Variants in ZNF705B observed in about 807,000 individuals in gnomAD.
ZNF705B encodes zinc finger protein 705B.
ZNF705B carries 1 observed loss-of-function variant against 10.5 expected under a neutral mutation model. The observed-to-expected ratio is 0.10, with a 90% CI of 0.03 to 0.45. The LOEUF (loss-of-function observed/expected upper bound fraction) is 0.45. Among genes scored for constraint, ZNF705B ranks in the 20% least tolerant of loss-of-function variants. ZNF705B has a pLI of 0.97. For synonymous variants in ZNF705B, 4 were observed against 25.4 expected (o/e 0.16, Z 2.53); for missense variants, 14 against 84.0 (o/e 0.17, Z 3.26).
chr8:7,931,607 G>T (rs1819851600), intron 2 of ZNF705B, among the ~76,000 whole-genome samples: 1 of 122,186 alleles, frequency 8.2e-6, no homozygotes, highest in African/African-American at 2.5e-5. Context: ...ACAGCAATGG[G>T]TGGGATGGGC....
At chr8:7,927,600 T>C (rs1819731156) in intron 1 of ZNF705B, among the ~76,000 whole-genome samples, 1 of 118,504 alleles carries the variant, frequency 8.4e-6, no homozygotes, top group African/African-American at 2.5e-5. Flanking sequence ...TTTTTTTTTT[T>C]TCCTGAGACA....
intron 2 of ZNF705B, among the ~76,000 whole-genome samples, chr8:7,941,188 C>T (rs1454800405): frequency 1.4e-5 from 2 of 145,252 alleles, no homozygotes; most frequent in African/African-American, 5.0e-5. Context: ...GATTTATATT[C>T]CTTTGGGTAT....
chr8:7,931,054 T>C (rs376838057), intron 2 of ZNF705B, among the ~76,000 whole-genome samples: 1 of 119,550 alleles, frequency 8.4e-6, no homozygotes. Context: ...AGTTTCTCCA[T>C]GTTGGTCAGG....
chr8:7,930,846 G>GTTTTT (rs5889212), intron 2 of ZNF705B, among the ~76,000 whole-genome samples: 2 of 72,798 alleles, frequency 2.7e-5, no homozygotes, highest in Non-Finnish European at 7.7e-5. Context: ...TATTTTTTTT[G>GTTTTT]TTTTTTTTTT....
At chr8:7,944,967 C>T (rs1263153066) in intron 2 of ZNF705B, among the ~76,000 whole-genome samples, 1 of 35,280 alleles carries the variant, frequency 2.8e-5, no homozygotes, top group African/African-American at 5.1e-5. Context: ...TGAAACTCTA[C>T]CAAAAAAAAA....
chr8:7,931,506 G>T (rs1392191063), intron 2 of ZNF705B, among the ~76,000 whole-genome samples: 2 of 122,178 alleles, frequency 1.6e-5, no homozygotes, highest in African/African-American at 2.5e-5. Flanking sequence ...TCATACTCAG[G>T]TCACAAGAAG....
At chr8:7,936,488 T>C (rs1361217861) in intron 2 of ZNF705B, among the ~76,000 whole-genome samples, 1 of 118,200 alleles carries the variant, frequency 8.5e-6, no homozygotes, top group African/African-American at 2.6e-5. Flanking sequence ...TCATCAACAG[T>C]GGATTGAATA....
At chr8:7,940,536 T>C (rs1279063633) in intron 2 of ZNF705B, among the ~76,000 whole-genome samples, 1 of 117,490 alleles carries the variant, frequency 8.5e-6, no homozygotes, top group Admixed American at 9.7e-5. Flanking sequence ...AAACGAGACC[T>C]CCAGAACTTA....
chr8:7,931,757 T>A (rs1338025114), intron 2 of ZNF705B, among the ~76,000 whole-genome samples: 2 of 130,918 alleles, frequency 1.5e-5, no homozygotes, highest in African/African-American at 5.0e-5. Context: ...GACTCTCCAC[T>A]TGAGAAGAGT....
Position 7,935,881 on chromosome 8 carries a change from C to A in ZNF705B, c.-72+5445C>A, listed in dbSNP as rs1450329692. On this transcript the variant is annotated intron_variant, in intron 2 of 6. Coordinates refer to ENST00000400120, the MANE Select transcript of ZNF705B (RefSeq NM_001193630.1). ...GCTATTACGTATAGTAGTACCCAAG[C>A]CCACTGGCCTTGTGCTAAAATTGGC... is the stretch of plus-strand genomic sequence containing the variant. Among the ~76,000 whole-genome samples, 2 of 91,864 alleles carry A rather than the reference C, an allele frequency of 2.2e-5. 1 individual carries two copies. The highest frequency in any genetic ancestry group is 5.7e-5 in the Non-Finnish European group (2 of 35,032). The allele number at this position is 91,864 out of a possible 152,430, so 60.3% of individuals were successfully genotyped here.
intron 2 of ZNF705B, among the ~76,000 whole-genome samples, chr8:7,936,274 A>G (rs1485049951): frequency 8.3e-6 from 1 of 120,106 alleles, no homozygotes; most frequent in Non-Finnish European, 2.0e-5. Context: ...CATGTGTACT[A>G]TTTTACTATA....
chr8:7,928,237 C>G (rs1316458493), intron 1 of ZNF705B, among the ~76,000 whole-genome samples: 1 of 115,076 alleles, frequency 8.7e-6, no homozygotes, highest in Non-Finnish European at 2.1e-5. Flanking sequence ...ATCACCTCCT[C>G]AAAGCCCGCA....
chr8:7,931,719 C>T (rs1162208512), intron 2 of ZNF705B, among the ~76,000 whole-genome samples: 1 of 130,688 alleles, frequency 7.7e-6, no homozygotes, highest in African/African-American at 2.5e-5. Flanking sequence ...GTCAGGATTG[C>T]TGTCAGTGTC....
chr8:7,936,285 C>T (rs76143874), intron 2 of ZNF705B, among the ~76,000 whole-genome samples: 9,180 of 118,352 alleles, frequency 0.078, 1,163 homozygotes, highest in African/African-American at 0.16. Context: ...TTTTACTATA[C>T]CTGATTCTAT....
chr8:7,931,629 C>T (rs1428164580), intron 2 of ZNF705B, among the ~76,000 whole-genome samples: 1 of 122,272 alleles, frequency 8.2e-6, no homozygotes, highest in East Asian at 2.3e-4. Flanking sequence ...TGTGCTCTGG[C>T]CCTGGAATAG....
rs1584996383 is a variant in ZNF705B, at chr8:7,930,950, G to A, written c.-72+514G>A. Among the ~76,000 whole-genome samples, 2 of 127,116 alleles carry A rather than the reference G, an allele frequency of 1.6e-5. 1 individual carries two copies. Among genetic ancestry groups the A allele is most frequent in the South Asian group, 5.2e-4 (2 of 3,828 alleles). 83.4% of individuals were successfully genotyped at this position (127,116 alleles called of 152,430 possible). ...CAACTCACTGCAGCTCTGCCTCCTGGGCTCAAGCAATTCTCCTGCCTCAGC... is the reference window on the plus strand; with the variant it reads ...CAACTCACTGCAGCTCTGCCTCCTGAGCTCAAGCAATTCTCCTGCCTCAGC... On this transcript the variant is annotated intron_variant, in intron 2 of 6. Coordinates refer to ENST00000400120, the MANE Select transcript of ZNF705B (RefSeq NM_001193630.1).
At chr8:7,936,915 A>C (rs1480370275) in intron 2 of ZNF705B, among the ~76,000 whole-genome samples, 2 of 119,830 alleles carry the variant, frequency 1.7e-5, no homozygotes, top group African/African-American at 5.1e-5. Context: ...ACTTTTTAAA[A>C]TTATGATGTA....
intron 1 of ZNF705B, among the ~76,000 whole-genome samples, chr8:7,929,356 G>C (rs1182073240): frequency 8.3e-6 from 1 of 121,156 alleles, no homozygotes; most frequent in African/African-American, 2.5e-5. Context: ...ATGTTTAAAG[G>C]GTGGTTTTCT....
chr8:7,946,533 AT>A (rs1330409011), intron 2 of ZNF705B, among the ~76,000 whole-genome samples: 48 of 10,528 alleles, frequency 4.6e-3, no homozygotes, highest in South Asian at 0.019. Flanking sequence ...CCTAAAACAG[AT>A]TTTTTTTTTT....
Sources: gnomAD v4.1 joint callset for allele counts (sites outside exome capture counted in the v4.1 genomes callset) on GRCh38, gnomAD v4.1.1 for gene constraint, MANE v1.5 for transcripts, NCBI Gene and HGNC (gene_info 2026-07-23, HGNC 2026-07-21) for gene names.